Variants in DAB1 observed in about 807,000 individuals in gnomAD.
DAB1 encodes DAB adaptor protein 1.
In DAB1, 15 loss-of-function variants were observed where a neutral mutation model predicts 64.6. The ratio of observed to expected loss-of-function variants is 0.23; its 90% CI spans 0.16 to 0.36. The LOEUF is 0.36. Ranked by LOEUF, DAB1 falls within the 10% of genes least tolerant of loss-of-function variation. The pLI is 1.00. For synonymous variants in DAB1, 235 were observed against 251.9 expected (o/e 0.93, Z 0.64); for missense variants, 596 against 706.7 (o/e 0.84, Z 1.78).
chr1:58,071,916 C>A (rs1254530191), intron 5 of DAB1, among the ~76,000 whole-genome samples: 1 of 152,084 alleles, frequency 6.6e-6, no homozygotes, highest in Non-Finnish European at 1.5e-5. Flanking sequence ...CTGGGGGATT[C>A]AACAAAGAAC....
intron 7 of DAB1, among the ~76,000 whole-genome samples, chr1:57,579,391 C>T (rs982197481): frequency 3.3e-5 from 5 of 152,090 alleles, no homozygotes; most frequent in Non-Finnish European, 7.4e-5. Flanking sequence ...ACAGGGTACT[C>T]TCAGATTTCC....
At chr1:58,337,795 G>A (rs1177131102) in intron 4 of DAB1, among the ~76,000 whole-genome samples, 1 of 152,180 alleles carries the variant, frequency 6.6e-6, no homozygotes, top group African/African-American at 2.4e-5. Flanking sequence ...TTAACCCGGA[G>A]AGACAGTGGT....
intron 4 of DAB1, chr1:58,228,833 A>C (rs925792504): frequency 2.8e-5 from 18 of 647,768 alleles, no homozygotes; most frequent in Admixed American, 2.6e-4. Flanking sequence ...CATAACCAGC[A>C]AGAGACACCA....
chr1:58,373,064 C>A (rs61779007), intron 3 of DAB1, among the ~76,000 whole-genome samples: 2 of 151,916 alleles, frequency 1.3e-5, no homozygotes, highest in African/African-American at 2.4e-5. Flanking sequence ...AGGAGTATTT[C>A]TTACTACTTT....
At chr1:57,211,702 TC>T (rs1321945235) in intron 2 of DAB1, among the ~76,000 whole-genome samples, 3 of 152,148 alleles carry the variant, frequency 2.0e-5, no homozygotes, top group Non-Finnish European at 4.4e-5. Flanking sequence ...CCCTCTGTAA[TC>T]ACAGGTACCA....
At chr1:57,159,862 A>C (rs1420531681) in intron 2 of DAB1, among the ~76,000 whole-genome samples, 2 of 116,488 alleles carry the variant, frequency 1.7e-5, no homozygotes, top group African/African-American at 7.6e-5. Flanking sequence ...AAGACAAAAA[A>C]AAAAAAAAAA....
intron 2 of DAB1, among the ~76,000 whole-genome samples, chr1:58,516,807 T>C (rs1406405373): frequency 6.6e-6 from 1 of 152,166 alleles, no homozygotes; most frequent in Non-Finnish European, 1.5e-5. Flanking sequence ...AAAATCAGAA[T>C]GCCAACTTCT....
rs979915845 is a variant in DAB1, at chr1:57,222,843, T to C, written c.67+68121A>G. On this transcript the variant is annotated intron_variant, in intron 2 of 14. Transcript: ENST00000371236. ...AATCATGTCTTCATGGGAGTTATGA[T>C]AGGAATAATCCTATATCCAGTTTAA... Among the ~76,000 whole-genome samples the C allele has an allele frequency of 5.9e-5, 9 of 152,248 alleles. No individual in the cohort carries two copies. In the South Asian group the frequency reaches 8.3e-4, roughly 14 times the overall value.
At chr1:57,900,612 C>G (rs911097158) in intron 5 of DAB1, among the ~76,000 whole-genome samples, 3 of 152,162 alleles carry the variant, frequency 2.0e-5, no homozygotes, top group African/African-American at 7.2e-5. Context: ...ATAAGTCAAT[C>G]CATCCTTCAC....
chr1:58,156,258 G>A (rs1159500853), intron 4 of DAB1, among the ~76,000 whole-genome samples: 1 of 152,148 alleles, frequency 6.6e-6, no homozygotes, highest in African/African-American at 2.4e-5. Context: ...AAGTGATTGG[G>A]TCCTAAGCAG....
intron 4 of DAB1, among the ~76,000 whole-genome samples, chr1:57,103,457 G>A (rs972994922): frequency 1.3e-5 from 2 of 152,136 alleles, no homozygotes; most frequent in East Asian, 1.9e-4. Flanking sequence ...TTAAAAACAC[G>A]ACTAATCATC....
chr1:57,546,132 G>A (rs1017192836), intron 7 of DAB1, among the ~76,000 whole-genome samples: 1 of 151,628 alleles, frequency 6.6e-6, no homozygotes, highest in African/African-American at 2.4e-5. Context: ...GAAGTTGGGG[G>A]ACAGATAATG....
chr1:58,517,058 C>T (rs1646168966), intron 2 of DAB1, among the ~76,000 whole-genome samples: 2 of 152,132 alleles, frequency 1.3e-5, no homozygotes, highest in African/African-American at 4.8e-5. Flanking sequence ...ATACAAGCCA[C>T]AAATAAGAAT....
intron 1 of DAB1, among the ~76,000 whole-genome samples, chr1:58,535,304 C>T (rs1232689447): frequency 6.6e-6 from 1 of 151,834 alleles, no homozygotes; most frequent in Non-Finnish European, 1.5e-5. Context: ...CTTTTTTTCA[C>T]TTAAGAATCA....
At chr1:58,230,537 T>A (rs1409668830) in intron 4 of DAB1, among the ~76,000 whole-genome samples, 2 of 152,210 alleles carry the variant, frequency 1.3e-5, no homozygotes, top group African/African-American at 4.8e-5. Context: ...GACAGTCAGC[T>A]GGCTTGACCA....
At chr1:57,564,671 G>C (rs1015882239) in intron 7 of DAB1, among the ~76,000 whole-genome samples, 1 of 152,232 alleles carries the variant, frequency 6.6e-6, no homozygotes, top group Non-Finnish European at 1.5e-5. Context: ...TCAACTGGAA[G>C]AAAGGGTATC....
At chr1:58,430,407 C>T (rs932531796) in intron 3 of DAB1, among the ~76,000 whole-genome samples, 4 of 151,818 alleles carry the variant, frequency 2.6e-5, no homozygotes, top group Non-Finnish European at 5.9e-5. Flanking sequence ...ACTAGGAGGA[C>T]TAGAGGGAAA....
At chr1:58,452,723 G>A (rs1645151525) in intron 3 of DAB1, among the ~76,000 whole-genome samples, 1 of 149,902 alleles carries the variant, frequency 6.7e-6, no homozygotes, top group Non-Finnish European at 1.5e-5. Flanking sequence ...CAGCTACTCA[G>A]AGGCTGACGC....
intron 3 of DAB1, among the ~76,000 whole-genome samples, chr1:58,398,545 A>G (rs1310453612): frequency 6.6e-6 from 1 of 152,264 alleles, no homozygotes; most frequent in East Asian, 1.9e-4. Flanking sequence ...ATCGTAGAGT[A>G]TAATAACCTA....
Sources: allele counts gnomAD v4.1 joint callset (sites outside exome capture counted in the v4.1 genomes callset), GRCh38; gene constraint gnomAD v4.1.1; transcripts MANE v1.5; gene names NCBI Gene and HGNC (gene_info 2026-07-23, HGNC 2026-07-21).